The following GALNT2 variants were observed in gnomAD, a reference collection of about 807,000 sequenced individuals.
GALNT2 encodes the protein UDP-GalNAc:polypeptide N-acetylgalactosaminyltransferase 2.
Under a neutral mutation model 81.4 loss-of-function variants are expected in GALNT2, and 31 were observed. The ratio of observed to expected loss-of-function variants is 0.38; its 90% CI spans 0.29 to 0.51. The LOEUF (loss-of-function observed/expected upper bound fraction) is 0.51. Ranked by LOEUF, GALNT2 falls within the 20% of genes least tolerant of loss-of-function variation. The pLI, the probability that GALNT2 is intolerant of heterozygous loss-of-function variation, is 0.87. For synonymous variants in GALNT2, 303 were observed against 287.4 expected (o/e 1.05, Z -0.55); for missense variants, 629 against 765.7 (o/e 0.82, Z 2.11).
chr1:230,217,539 GTC>G (rs1189357924), intron 3 of GALNT2, among the ~76,000 whole-genome samples: 2 of 152,216 alleles, frequency 1.3e-5, no homozygotes, highest in East Asian at 3.8e-4. Flanking sequence ...CATTGGCTTT[GTC>G]TCTGTCATAG....
chr1:230,136,461 G>A (rs1280027575), intron 1 of GALNT2, among the ~76,000 whole-genome samples: 2 of 152,096 alleles, frequency 1.3e-5, no homozygotes, highest in Non-Finnish European at 2.9e-5. Context: ...ACATTCATTC[G>A]TGAGGCCTGT....
At chr1:230,204,341 G>T (rs2102707936) in intron 3 of GALNT2, among the ~76,000 whole-genome samples, 1 of 151,396 alleles carries the variant, frequency 6.6e-6, no homozygotes, top group East Asian at 2.0e-4. Context: ...ACTAATTTTT[G>T]TATTTTTAGT....
intron 1 of GALNT2, among the ~76,000 whole-genome samples, chr1:230,101,998 C>T (rs147592588): frequency 1.3e-5 from 2 of 152,176 alleles, no homozygotes; most frequent in Non-Finnish European, 2.9e-5. Context: ...CTTTGTTTTC[C>T]GAATGGTTTT....
chr1:230,113,273 A>G (rs2102792141), intron 1 of GALNT2, among the ~76,000 whole-genome samples: 1 of 152,134 alleles, frequency 6.6e-6, no homozygotes, highest in South Asian at 2.1e-4. Context: ...CTGCTGAAAA[A>G]GGGTGAGTTT....
intron 1 of GALNT2, among the ~76,000 whole-genome samples, chr1:230,162,866 T>A (rs1183803114): frequency 6.6e-6 from 1 of 152,232 alleles, no homozygotes. Flanking sequence ...ACCATTTTTG[T>A]CCAGTCACAT....
chr1:230,272,476 A>G (rs1666182690), intron 14 of GALNT2, among the ~76,000 whole-genome samples: 1 of 152,148 alleles, frequency 6.6e-6, no homozygotes, highest in South Asian at 2.1e-4. Context: ...TTTGACCTAG[A>G]ATCCGTCTTT....
At chr1:230,106,248 T>C (rs529717607) in intron 1 of GALNT2, among the ~76,000 whole-genome samples, 1 of 152,270 alleles carries the variant, frequency 6.6e-6, no homozygotes, top group Admixed American at 6.5e-5. Context: ...TGTATAAGGG[T>C]GACTGTGCCC....
intron 8 of GALNT2, 25 bp from the exon 9 acceptor site, chr1:230,249,158 AC>A: frequency 6.2e-7 from 1 of 1,607,402 alleles, no homozygotes; most frequent in Non-Finnish European, 8.5e-7. Flanking sequence ...TCTTGTCAAC[AC>A]CCTGTTTCTT....
intron 1 of GALNT2, among the ~76,000 whole-genome samples, chr1:230,168,102 T>G (rs1546954): frequency 0.46 from 69,743 of 151,944 alleles, 18,945 homozygotes; most frequent in Non-Finnish European, 0.61. Context: ...GAGGGCTTTG[T>G]GTGCCACCCC....
intron 1 of GALNT2, among the ~76,000 whole-genome samples, chr1:230,145,577 C>T (rs566286185): frequency 5.5e-4 from 84 of 152,350 alleles, no homozygotes; most frequent in African/African-American, 1.9e-3. Flanking sequence ...CCGCTGAGGT[C>T]GGGGCTTAGA....
chr1:230,269,528 C>G (rs1666118440), intron 14 of GALNT2, among the ~76,000 whole-genome samples: 1 of 152,062 alleles, frequency 6.6e-6, no homozygotes, highest in South Asian at 2.1e-4. Context: ...AGGTGCTATG[C>G]CCAGAGAGCC....
chr1:230,271,078 C>A lies in GALNT2; in HGVS notation c.1441-3367C>A, dbSNP rs1218707948. Among the ~76,000 whole-genome samples the A allele has an allele frequency of 6.6e-6, 1 of 152,212 alleles. No individual in the cohort carries two copies. Among genetic ancestry groups the A allele is most frequent in the Admixed American group, 6.5e-5 (1 of 15,280 alleles). On this transcript the variant is annotated intron_variant, in intron 14 of 15. Coordinates refer to ENST00000366672, the MANE Select transcript of GALNT2 (RefSeq NM_004481.5). The surrounding 1 kb of genome is among the most constrained non-coding windows in gnomAD (Gnocchi z 4.2). Reference sequence around the variant, plus strand: ...ACCTGCTGCCAGGGACAGTCTGGAACCCTTCTCCATACCAGCGTTGTCCCT... The same window carrying A: ...ACCTGCTGCCAGGGACAGTCTGGAAACCTTCTCCATACCAGCGTTGTCCCT...
At chr1:230,127,256 G>T (rs1396155239) in intron 1 of GALNT2, among the ~76,000 whole-genome samples, 3 of 151,406 alleles carry the variant, frequency 2.0e-5, no homozygotes, top group African/African-American at 7.3e-5. Context: ...TCTTCTCTGT[G>T]GAAGACTCTC....
chr1:230,185,827 C>T (rs1663318603), intron 2 of GALNT2, among the ~76,000 whole-genome samples: 1 of 152,182 alleles, frequency 6.6e-6, no homozygotes, highest in African/African-American at 2.4e-5. Context: ...GACTGGGTCC[C>T]CCTGGAGTTT....
chr1:230,239,501 A>C (rs903314261), intron 6 of GALNT2, among the ~76,000 whole-genome samples: 3 of 152,222 alleles, frequency 2.0e-5, no homozygotes, highest in Non-Finnish European at 4.4e-5. Context: ...TCCAATGTTC[A>C]AGGGCAGGAA....
intron 1 of GALNT2, among the ~76,000 whole-genome samples, chr1:230,137,518 C>G (rs1453616751): frequency 6.6e-6 from 1 of 152,184 alleles, no homozygotes; most frequent in Non-Finnish European, 1.5e-5. Context: ...GAGGCTGTCA[C>G]AGTGACAAGG....
intron 2 of GALNT2, among the ~76,000 whole-genome samples, chr1:230,196,621 G>T (rs1025199498): frequency 6.6e-6 from 1 of 151,888 alleles, no homozygotes; most frequent in East Asian, 1.9e-4. Flanking sequence ...CAGGAGATGG[G>T]AAGGTACAGC....
chr1:230,139,846 C>G (rs1205700882), intron 1 of GALNT2, among the ~76,000 whole-genome samples: 2 of 152,160 alleles, frequency 1.3e-5, no homozygotes, highest in Non-Finnish European at 2.9e-5. Context: ...TGGGCTGTTG[C>G]GGAAATAATC....
intron 1 of GALNT2, among the ~76,000 whole-genome samples, chr1:230,105,416 G>T (rs1660515900): frequency 6.6e-6 from 1 of 152,138 alleles, no homozygotes. Flanking sequence ...CGCCTCTCAT[G>T]TTTTAACATG....
Sources: allele counts gnomAD v4.1 joint callset (sites outside exome capture counted in the v4.1 genomes callset), GRCh38; gene constraint gnomAD v4.1.1; non-coding constraint Gnocchi (gnomAD v3.1); transcripts MANE v1.5; gene names NCBI Gene and HGNC (gene_info 2026-07-23, HGNC 2026-07-21).